The following SHROOM3 variants were observed in gnomAD, a reference collection of about 807,000 sequenced individuals.
SHROOM3 encodes protein Shroom3.
In SHROOM3, 47 loss-of-function variants were observed where a neutral mutation model predicts 138.6. The ratio of observed to expected loss-of-function variants is 0.34; its 90% CI spans 0.27 to 0.43. The LOEUF is 0.43. Ranked by LOEUF, SHROOM3 falls within the 20% of genes least tolerant of loss-of-function variation. The pLI, the probability that SHROOM3 is intolerant of heterozygous loss-of-function variation, is 1.00. For missense variants in SHROOM3, 2,491 were observed against 2,596.5 expected (o/e 0.96, Z 0.88); for synonymous variants, 1,062 against 1,063.3 (o/e 1.00, Z 0.02).
chr4:76,593,827 C>T (rs544160408), intron 2 of SHROOM3, among the ~76,000 whole-genome samples: 2,601 of 152,260 alleles, frequency 0.017, 30 homozygotes, highest in South Asian at 0.029. Context: ...GAGTCATTTT[C>T]TTGCAGTGTC....
chr4:76,742,149 A>T, intron 5 of SHROOM3: 1 of 643,478 alleles, frequency 1.6e-6, no homozygotes, highest in Non-Finnish European at 2.8e-6. Flanking sequence ...TGTTATACAG[A>T]TTCTCTATCT....
At chr4:76,749,740 A>G (rs1721559982) in intron 6 of SHROOM3, among the ~76,000 whole-genome samples, 1 of 152,214 alleles carries the variant, frequency 6.6e-6, no homozygotes. Flanking sequence ...TGCCATCAAA[A>G]TCATATATCC....
At chr4:76,762,650 G>A (rs916485237) in intron 9 of SHROOM3, among the ~76,000 whole-genome samples, 1 of 152,214 alleles carries the variant, frequency 6.6e-6, no homozygotes, top group African/African-American at 2.4e-5. Flanking sequence ...GCATCACTTT[G>A]TGAGTGTAAA....
intron 2 of SHROOM3, among the ~76,000 whole-genome samples, chr4:76,626,281 T>G (rs1244892356): frequency 6.6e-6 from 1 of 152,180 alleles, no homozygotes; most frequent in Non-Finnish European, 1.5e-5. Flanking sequence ...GGAGATAGTT[T>G]TAAAATTTGC....
At chr4:76,473,247 A>G (rs553421398) in intron 1 of SHROOM3, among the ~76,000 whole-genome samples, 4 of 152,356 alleles carry the variant, frequency 2.6e-5, no homozygotes, top group African/African-American at 9.6e-5. Flanking sequence ...GAATGCAAGA[A>G]AATATTTGTA....
intron 2 of SHROOM3, among the ~76,000 whole-genome samples, chr4:76,631,146 A>G (rs1350569421): frequency 6.8e-6 from 1 of 148,026 alleles, no homozygotes; most frequent in Non-Finnish European, 1.5e-5. Context: ...ATAGAGAGAG[A>G]TTGAGTGAGG....
chr4:76,616,555 C>T (rs1734881204), intron 2 of SHROOM3, among the ~76,000 whole-genome samples: 1 of 152,112 alleles, frequency 6.6e-6, no homozygotes, highest in African/African-American at 2.4e-5. Flanking sequence ...GGATGTTATA[C>T]TAAGTGAAAT....
intron 2 of SHROOM3, among the ~76,000 whole-genome samples, chr4:76,619,547 G>T (rs756008105): frequency 4.6e-5 from 7 of 152,116 alleles, no homozygotes; most frequent in Non-Finnish European, 7.4e-5. Context: ...TATTTTCATA[G>T]AAGTGTGAAA....
At chr4:76,556,796 C>T (rs1043007826) in intron 2 of SHROOM3, among the ~76,000 whole-genome samples, 1 of 152,204 alleles carries the variant, frequency 6.6e-6, no homozygotes, top group Non-Finnish European at 1.5e-5. Context: ...TGCATTAATT[C>T]ATTTCTCAAA....
intron 1 of SHROOM3, among the ~76,000 whole-genome samples, 156 bp from the exon 2 acceptor site, chr4:76,555,453 G>A (rs1350745070): frequency 3.3e-5 from 5 of 152,162 alleles, no homozygotes; most frequent in East Asian, 1.9e-4. Context: ...CAGTCCCTGC[G>A]CTCTCACAGT....
At chr4:76,758,225 C>T (rs1721883545) in intron 8 of SHROOM3, 1 of 152,140 alleles carries the variant, frequency 6.6e-6, no homozygotes, top group African/African-American at 2.4e-5. Context: ...CAAGGCAATC[C>T]ACTGGGTACT....
chr4:76,736,167 C>T (rs1721066234), intron 4 of SHROOM3, among the ~76,000 whole-genome samples: 1 of 151,830 alleles, frequency 6.6e-6, no homozygotes, highest in South Asian at 2.1e-4. Flanking sequence ...CAGGATTATC[C>T]ACAAGGCTGT....
intron 2 of SHROOM3, among the ~76,000 whole-genome samples, chr4:76,592,981 AT>A (rs1315939880): frequency 6.6e-6 from 1 of 152,168 alleles, no homozygotes; most frequent in Non-Finnish European, 1.5e-5. Flanking sequence ...GAATGTCTAG[AT>A]TATGCTGATC....
intron 2 of SHROOM3, among the ~76,000 whole-genome samples, chr4:76,699,831 C>T (rs1180732054): frequency 6.6e-6 from 1 of 152,060 alleles, no homozygotes; most frequent in Non-Finnish European, 1.5e-5. Context: ...TCTATGTGAC[C>T]CCAGCTTTAC....
chr4:76,778,527 T>C (rs1722647851), intron 10 of SHROOM3, among the ~76,000 whole-genome samples: 1 of 152,152 alleles, frequency 6.6e-6, no homozygotes, highest in Admixed American at 6.5e-5. Flanking sequence ...CAGCTGATGA[T>C]TGGTTTTTAA....
chr4:76,762,991 C>G (rs1250205665), intron 9 of SHROOM3, among the ~76,000 whole-genome samples: 1 of 151,832 alleles, frequency 6.6e-6, no homozygotes, highest in Non-Finnish European at 1.5e-5. Context: ...TAAGGAGAAA[C>G]CAAAAGATAA....
At chr4:76,592,212 G>T (rs1024417429) in intron 2 of SHROOM3, among the ~76,000 whole-genome samples, 2 of 152,206 alleles carry the variant, frequency 1.3e-5, no homozygotes, top group Non-Finnish European at 2.9e-5. Flanking sequence ...GTTTGGGAAA[G>T]AGCTGGGAGG....
intron 2 of SHROOM3, among the ~76,000 whole-genome samples, chr4:76,635,322 T>A (rs1320668063): frequency 1.3e-5 from 2 of 152,210 alleles, no homozygotes; most frequent in African/African-American, 2.4e-5. Flanking sequence ...ACAATCCTCC[T>A]TTTGGTGAGA....
At chr4:76,712,646 AGCTAGATGGT>A (rs1408830415) in intron 3 of SHROOM3, among the ~76,000 whole-genome samples, 6 of 152,210 alleles carry the variant, frequency 3.9e-5, no homozygotes, top group Non-Finnish European at 7.3e-5. Context: ...AAAAGTCATG[AGCTAGATGGT>A]GCAGACATCA....
Sources: allele counts gnomAD v4.1 joint callset (sites outside exome capture counted in the v4.1 genomes callset), GRCh38; gene constraint gnomAD v4.1.1; transcripts MANE v1.5; gene names NCBI Gene and HGNC (gene_info 2026-07-23, HGNC 2026-07-21).